Variants in PROSER2 observed in about 807,000 individuals in gnomAD.
PROSER2 encodes proline and serine rich 2.
Under a neutral mutation model 14.6 loss-of-function variants are expected in PROSER2, and 18 were observed. The observed-to-expected ratio is 1.23, with a 90% CI of 0.85 to 1.83. PROSER2 has a LOEUF of 1.83. PROSER2 is among the 40% of genes most tolerant of loss of function. The pLI is 0.00. For synonymous variants in PROSER2, 367 were observed against 286.4 expected (o/e 1.28, Z -2.84); for missense variants, 823 against 629.8 (o/e 1.31, Z -3.28).
chr10:11,829,154 C>T (rs1231509889), intron 1 of PROSER2, among the ~76,000 whole-genome samples: 1 of 151,592 alleles, frequency 6.6e-6, no homozygotes, highest in Non-Finnish European at 1.5e-5. Flanking sequence ...GAGGGATTAA[C>T]TTGAAGTTGA....
intron 1 of PROSER2, among the ~76,000 whole-genome samples, chr10:11,841,048 T>G (rs1401939807): frequency 6.8e-6 from 1 of 146,220 alleles, no homozygotes; most frequent in African/African-American, 2.5e-5. Flanking sequence ...TTGGAGTTAT[T>G]TGTTCCTTGA....
intron 1 of PROSER2, among the ~76,000 whole-genome samples, chr10:11,833,879 C>T (rs1022326850): frequency 2.0e-5 from 3 of 151,154 alleles, no homozygotes; most frequent in Admixed American, 1.3e-4. Flanking sequence ...GAAGGAGTCA[C>T]GAAGGCTTGA....
At position 11,865,180 on chromosome 10, in the gene PROSER2, C is replaced by T. The variant is rs186487034; in HGVS notation, c.139-1351C>T. Among the ~76,000 whole-genome samples, 5 of 152,204 alleles carry T rather than the reference C, an allele frequency of 3.3e-5. No individual in the cohort carries two copies. Among genetic ancestry groups the T allele is most frequent in the African/African-American group, 1.2e-4 (5 of 41,550 alleles). On this transcript the variant is annotated intron_variant, in intron 2 of 3. Coordinates refer to ENST00000277570, the MANE Select transcript of PROSER2 (RefSeq NM_153256.4). The surrounding 1 kb of genome is among the most constrained non-coding windows in gnomAD (Gnocchi z 4.2). ...ATTCACATAGTGGCCCTCCCAGATC[C>T]ATCCTTTGATTTTCTTATCCTTTTT...
rs1205841923 is a variant in PROSER2, at chr10:11,838,684, T to C, written c.-81-13313T>C. Among the ~76,000 whole-genome samples the C allele has an allele frequency of 1.3e-5, 2 of 152,250 alleles. No individual in the cohort carries two copies. The highest frequency in any genetic ancestry group is 2.9e-5 in the Non-Finnish European group (2 of 68,042). On this transcript the variant is annotated intron_variant, in intron 1 of 3. Transcript: ENST00000277570. The surrounding 1 kb of genome is among the most constrained non-coding windows in gnomAD (Gnocchi z 4.4). ...CACTTGTTATTTTTTGTCTAATTTT[T>C]GCCACTCCAGTAGGTATTAAATAAT...
In PROSER2 at chr10:11,843,141, C is replaced by T. The variant is rs539639321; in HGVS notation, c.-81-8856C>T. 8.0e-3 allele frequency among the ~76,000 whole-genome samples: 1,190 copies of T among 149,544 alleles called. 15 individuals are homozygous for T. The highest frequency in any genetic ancestry group is 0.028 in the African/African-American group (1,139 of 41,194). ...ATTTTTAGTATAGACGGGGTTTCACCATGTTAGCCAGGATGGTCTTGATCT... is the reference window on the plus strand; with the variant it reads ...ATTTTTAGTATAGACGGGGTTTCACTATGTTAGCCAGGATGGTCTTGATCT... On this transcript the variant is annotated intron_variant, in intron 1 of 3. Coordinates refer to ENST00000277570, the MANE Select transcript of PROSER2 (RefSeq NM_153256.4).
At position 11,870,149 on chromosome 10, in the gene PROSER2, G is replaced by T. The variant is rs997166361; in HGVS notation, c.1051G>T (p.Ala351Ser). The part of the protein sequence containing the change: ...LANGFPSAHE[A>S]LKSAPSSFAP... ...CAACGGCTTCCCAAGTGCGCACGAG[G>T]CCCTGAAGAGCGCACCCAGCTCCTT... The change falls in exon 4 of 4, where the codon GCC becomes TCC. Residue 351 changes from alanine (A) to serine (S), a missense_variant. Coordinates refer to ENST00000277570, the MANE Select transcript of PROSER2 (RefSeq NM_153256.4). 3 of 1,450,744 alleles carry T rather than the reference G, an allele frequency of 2.1e-6. No homozygotes were observed. The highest frequency in any genetic ancestry group is 3.0e-5 in the East Asian group (1 of 33,024). The allele number at this position is 1,450,744 out of a possible 1,614,324, so 89.9% of individuals were successfully genotyped here.
chr10:11,833,984 C>CTTTTTTTTT (rs35005102), intron 1 of PROSER2, among the ~76,000 whole-genome samples: 12 of 48,242 alleles, frequency 2.5e-4, no homozygotes, highest in African/African-American at 9.6e-4. Context: ...GTAGCTCTTT[C>CTTTTTTTTT]TTTTTTTTTT....
intron 2 of PROSER2, among the ~76,000 whole-genome samples, chr10:11,859,422 G>A (rs1348028129): frequency 6.6e-6 from 1 of 152,102 alleles, no homozygotes; most frequent in Non-Finnish European, 1.5e-5. Flanking sequence ...GTGAGAGACT[G>A]TCTCAAAAAA....
Position 11,852,235 on chromosome 10 carries a change from T to C in PROSER2, c.138+20T>C. The C allele has an allele frequency of 3.8e-6, 6 of 1,591,890 alleles. No homozygotes were observed. The highest frequency in any genetic ancestry group is 4.3e-6 in the Non-Finnish European group (5 of 1,166,490). ...ACTTTGGTGAGTGACAGTTTTTCTT[T>C]CATGCTTTCCTGTGCCTGGGTCAGT... On this transcript the variant is annotated intron_variant, in intron 2 of 3. Transcript: ENST00000277570.
At chr10:11,841,854 G>A (rs2031381) in intron 1 of PROSER2, among the ~76,000 whole-genome samples, 148,058 of 152,300 alleles carry the variant, frequency 0.97, 72,077 homozygotes, top group East Asian at 1. Context: ...AAGCTGTTGC[G>A]TATAATGTGT....
At chr10:11,860,011 G>C (rs917598872) in intron 2 of PROSER2, among the ~76,000 whole-genome samples, 2 of 152,164 alleles carry the variant, frequency 1.3e-5, no homozygotes, top group African/African-American at 4.8e-5. Context: ...CTGAGGCCCT[G>C]ATCCCTTCCC....
chr10:11,849,313 G>A (rs1833978126), intron 1 of PROSER2, among the ~76,000 whole-genome samples: 1 of 152,160 alleles, frequency 6.6e-6, no homozygotes, highest in Admixed American at 6.5e-5. Context: ...CCTTACAGTT[G>A]GTGCTATGTG....
At chr10:11,832,667 A>T (rs1261204144) in intron 1 of PROSER2, among the ~76,000 whole-genome samples, 1 of 152,156 alleles carries the variant, frequency 6.6e-6, no homozygotes, top group Non-Finnish European at 1.5e-5. Flanking sequence ...TATAAATTGG[A>T]TGAGATTAAT....
chr10:11,833,496 G>C (rs1342097079), intron 1 of PROSER2, among the ~76,000 whole-genome samples: 4 of 151,998 alleles, frequency 2.6e-5, no homozygotes, highest in African/African-American at 9.7e-5. Flanking sequence ...TTCGAGACCA[G>C]CCTGGCCAAC....
chr10:11,829,835 ATTTTTTT>A (rs5783232), intron 1 of PROSER2, among the ~76,000 whole-genome samples: 4 of 66,276 alleles, frequency 6.0e-5, no homozygotes, highest in South Asian at 7.7e-4. Flanking sequence ...TTTACTTCTG[ATTTTTTT>A]TTTTTTTTTT....
Position 11,869,433 on chromosome 10 carries a change from TC to T in PROSER2, c.392-56del. On this transcript the variant is annotated intron_variant, in intron 3 of 3. Transcript: ENST00000277570. This position sits in a 1 kb window ranked among gnomAD's most constrained non-coding sequence, Gnocchi z 4.4. ...CTTTTCAGTTCAGCGAGAGGGAACT[TC>T]ATGCATTTACTTTCACGTGGGCCGG... 1.5e-6 allele frequency: 2 copies of T among 1,321,056 alleles called. No individual in the cohort carries two copies. Among genetic ancestry groups the T allele is most frequent in the Non-Finnish European group, 1.1e-6 (1 of 916,522 alleles). 81.8% of individuals were successfully genotyped at this position (1,321,056 alleles called of 1,614,324 possible). A position where few individuals can be genotyped will look rare whatever the true frequency, so the allele number is the denominator to read the frequency against.
chr10:11,832,302 T>A (rs1170158288), intron 1 of PROSER2, among the ~76,000 whole-genome samples: 1 of 152,214 alleles, frequency 6.6e-6, no homozygotes, highest in Non-Finnish European at 1.5e-5. Context: ...TTAGGGAGAA[T>A]TTTTGGAAGC....
intron 2 of PROSER2, among the ~76,000 whole-genome samples, chr10:11,854,693 G>A (rs1834089797): frequency 6.6e-6 from 1 of 151,782 alleles, no homozygotes; most frequent in African/African-American, 2.4e-5. Context: ...GAGTAGCTGG[G>A]ATTACAGGCA....
chr10:11,826,558 TTATTTATG>T (rs1379921453), intron 1 of PROSER2, among the ~76,000 whole-genome samples: 56 of 152,278 alleles, frequency 3.7e-4, no homozygotes, highest in African/African-American at 1.2e-3. Flanking sequence ...CCCCGCCTTT[TTATTTATG>T]TATTTATGTA....
Sources: gnomAD v4.1 joint callset for allele counts (sites outside exome capture counted in the v4.1 genomes callset) on GRCh38, gnomAD v4.1.1 for gene constraint, Gnocchi (gnomAD v3.1) non-coding constraint, MANE v1.5 for transcripts, NCBI Gene and HGNC (gene_info 2026-07-23, HGNC 2026-07-21) for gene names.